The following LPP variants were observed in gnomAD, a reference collection of about 807,000 sequenced individuals.
LPP encodes LIM domain containing preferred translocation partner in lipoma, also known as lipoma-preferred partner.
Under a neutral mutation model 60.4 loss-of-function variants are expected in LPP, and 38 were observed. The observed-to-expected ratio is 0.63, with a 90% CI of 0.49 to 0.83. The LOEUF (loss-of-function observed/expected upper bound fraction) is 0.83, where lower values mean the gene tolerates loss of function less well. Ranked by LOEUF, LPP falls within the 40% of genes least tolerant of loss-of-function variation. The pLI, the probability that LPP is intolerant of heterozygous loss-of-function variation, is 0.00. For synonymous variants in LPP, 328 were observed against 290.8 expected (o/e 1.13, Z -1.30); for missense variants, 902 against 783.6 (o/e 1.15, Z -1.80).
intron 8 of LPP, among the ~76,000 whole-genome samples, chr3:188,753,706 G>T (rs538088013): frequency 6.6e-6 from 1 of 151,792 alleles, no homozygotes; most frequent in African/African-American, 2.4e-5. Context: ...CTCCGAAACT[G>T]TTTTGTGTCT....
intron 4 of LPP, among the ~76,000 whole-genome samples, chr3:188,449,805 T>C (rs1796173227): frequency 6.6e-6 from 1 of 151,766 alleles, no homozygotes; most frequent in Non-Finnish European, 1.5e-5. Context: ...ATATTGCTAT[T>C]ATTATTATTA....
intron 1 of LPP, among the ~76,000 whole-genome samples, chr3:188,223,024 G>A (rs1026558414): frequency 6.6e-6 from 1 of 152,156 alleles, no homozygotes; most frequent in African/African-American, 2.4e-5. Flanking sequence ...TGGGAGTTTG[G>A]AATAATGTGT....
At chr3:188,449,548 A>G (rs1350217384) in intron 4 of LPP, among the ~76,000 whole-genome samples, 9 of 152,122 alleles carry the variant, frequency 5.9e-5, no homozygotes, top group African/African-American at 2.2e-4. Flanking sequence ...ACTGTTATCT[A>G]GTGTGTTTTA....
chr3:188,735,609 C>G (rs1166361943), intron 8 of LPP, among the ~76,000 whole-genome samples: 1 of 152,044 alleles, frequency 6.6e-6, no homozygotes, highest in Non-Finnish European at 1.5e-5. Flanking sequence ...GTCTTGAACT[C>G]CTGACCTCAG....
At chr3:188,427,603 C>T (rs1374294460) in intron 4 of LPP, among the ~76,000 whole-genome samples, 1 of 152,132 alleles carries the variant, frequency 6.6e-6, no homozygotes, top group South Asian at 2.1e-4. Context: ...TTCAGAGATG[C>T]CCTGCCCAGA....
intron 2 of LPP, among the ~76,000 whole-genome samples, chr3:188,304,388 A>C (rs774654847): frequency 7.9e-5 from 12 of 152,180 alleles, no homozygotes; most frequent in Non-Finnish European, 1.3e-4. Flanking sequence ...AAGTTCTGTC[A>C]CCAAATTATT....
At chr3:188,214,194 G>C (rs777869793) in intron 1 of LPP, among the ~76,000 whole-genome samples, 2 of 151,716 alleles carry the variant, frequency 1.3e-5, no homozygotes, top group Non-Finnish European at 2.9e-5. Flanking sequence ...GCAATGGCGC[G>C]ATCTCGGCTC....
chr3:188,484,402 T>C (rs1805713128), intron 4 of LPP, among the ~76,000 whole-genome samples, 190 bp from the exon 5 acceptor site: 1 of 152,210 alleles, frequency 6.6e-6, no homozygotes, highest in Non-Finnish European at 1.5e-5. Context: ...TCAAATCCGA[T>C]ACTCTTTCTT....
intron 5 of LPP, among the ~76,000 whole-genome samples, chr3:188,506,448 T>C (rs1386594519): frequency 6.6e-6 from 1 of 152,190 alleles, no homozygotes; most frequent in African/African-American, 2.4e-5. Flanking sequence ...AATGTAATCA[T>C]TGCATGTACA....
At chr3:188,269,609 T>C (rs1736879997) in intron 2 of LPP, among the ~76,000 whole-genome samples, 1 of 149,900 alleles carries the variant, frequency 6.7e-6, no homozygotes, top group African/African-American at 2.5e-5. Context: ...GCCTAACACA[T>C]GTTCTGATTG....
At chr3:188,325,867 CA>C (rs1377153023) in intron 2 of LPP, among the ~76,000 whole-genome samples, 2 of 152,054 alleles carry the variant, frequency 1.3e-5, no homozygotes, top group Non-Finnish European at 2.9e-5. Context: ...GATTTTTGTG[CA>C]GGAAGTGTTT....
At chr3:188,377,196 T>G (rs1775387338) in intron 3 of LPP, among the ~76,000 whole-genome samples, 1 of 152,214 alleles carries the variant, frequency 6.6e-6, no homozygotes, top group African/African-American at 2.4e-5. Context: ...GGAGTTGCTC[T>G]TCTCGAGGAG....
intron 4 of LPP, among the ~76,000 whole-genome samples, chr3:188,467,898 G>T (rs1800869425): frequency 6.6e-6 from 1 of 152,094 alleles, no homozygotes; most frequent in African/African-American, 2.4e-5. Context: ...CTGATTTATA[G>T]AACAGTAAGA....
chr3:188,430,199 C>T (rs1790537698), intron 4 of LPP, among the ~76,000 whole-genome samples: 1 of 150,896 alleles, frequency 6.6e-6, no homozygotes, highest in Admixed American at 6.6e-5. Flanking sequence ...CTTAATAAGT[C>T]TAAATTTTGA....
intron 8 of LPP, chr3:188,725,167 G>A (rs1338441745): frequency 6.6e-6 from 1 of 152,158 alleles, no homozygotes; most frequent in Non-Finnish European, 1.5e-5. Flanking sequence ...CTAAAGAAAA[G>A]TTTCGTTGTG....
chr3:188,354,564 G>GT (rs1259175250), intron 3 of LPP, among the ~76,000 whole-genome samples: 3 of 151,856 alleles, frequency 2.0e-5, no homozygotes, highest in African/African-American at 4.8e-5. Flanking sequence ...AGGAATGGAT[G>GT]TTTTTTTTCT....
At chr3:188,607,332 A>G (rs1444550132) in intron 6 of LPP, among the ~76,000 whole-genome samples, 2 of 136,862 alleles carry the variant, frequency 1.5e-5, no homozygotes, top group Non-Finnish European at 3.2e-5. Flanking sequence ...ACGTTTCTGA[A>G]TATTTTACAT....
At chr3:188,444,659 C>T (rs1393704638) in intron 4 of LPP, among the ~76,000 whole-genome samples, 1 of 152,144 alleles carries the variant, frequency 6.6e-6, no homozygotes, top group Non-Finnish European at 1.5e-5. Context: ...TAAAGAGCTT[C>T]TACACAGCAA....
At chr3:188,440,235 G>A (rs1793436405) in intron 4 of LPP, among the ~76,000 whole-genome samples, 1 of 152,188 alleles carries the variant, frequency 6.6e-6, no homozygotes, top group Non-Finnish European at 1.5e-5. Context: ...CTAACTGTGT[G>A]TGATCTTAGA....
Sources: gnomAD v4.1 joint callset for allele counts (sites outside exome capture counted in the v4.1 genomes callset) on GRCh38, gnomAD v4.1.1 for gene constraint, MANE v1.5 for transcripts, NCBI Gene and HGNC (gene_info 2026-07-23, HGNC 2026-07-21) for gene names.